The following DLG2 variants were observed in gnomAD, a reference collection of about 807,000 sequenced individuals.
DLG2 encodes the protein discs large MAGUK scaffold protein 2, also known as disks large homolog 2.
In DLG2, 45 loss-of-function variants were observed where a neutral mutation model predicts 132.5. The ratio of observed to expected loss-of-function variants is 0.34; its 90% CI spans 0.27 to 0.44. The LOEUF is 0.44. Ranked by LOEUF, DLG2 falls within the 20% of genes least tolerant of loss-of-function variation. The pLI is 1.00. For synonymous variants in DLG2, 424 were observed against 419.6 expected, an observed-to-expected ratio of 1.01 and a Z score of -0.13; for missense variants, 1,045 against 1,196.9, an observed-to-expected ratio of 0.87 and a Z score of 1.87.
intron 6 of DLG2, among the ~76,000 whole-genome samples, chr11:84,828,730 T>C (rs193037478): frequency 1.8e-4 from 28 of 151,834 alleles, no homozygotes; most frequent in Admixed American, 4.6e-4. Flanking sequence ...TGGTTTGAAT[T>C]GAAAATACAA....
chr11:84,154,657 C>T (rs1230928325), intron 9 of DLG2, among the ~76,000 whole-genome samples: 2 of 152,028 alleles, frequency 1.3e-5, no homozygotes, highest in African/African-American at 4.8e-5. Flanking sequence ...CCTTCCCCCA[C>T]CCCACGACAG....
intron 15 of DLG2, among the ~76,000 whole-genome samples, chr11:83,882,448 T>C (rs1313469100): frequency 6.7e-6 from 1 of 150,250 alleles, no homozygotes; most frequent in Admixed American, 6.6e-5. Context: ...AGAAAAACAT[T>C]AAATCAAATT....
chr11:85,050,390 G>GTT (rs969870031), intron 6 of DLG2, among the ~76,000 whole-genome samples: 22 of 151,984 alleles, frequency 1.4e-4, no homozygotes, highest in African/African-American at 4.1e-4. Context: ...TTTGTCTTTC[G>GTT]TTTCTTTAGG....
intron 6 of DLG2, among the ~76,000 whole-genome samples, chr11:84,696,130 T>C (rs1333530917): frequency 6.6e-6 from 1 of 151,436 alleles, no homozygotes; most frequent in African/African-American, 2.4e-5. Flanking sequence ...CTGGGAGGAA[T>C]GAATGGTCTG....
At chr11:84,135,048 T>C (rs750723879) in intron 9 of DLG2, among the ~76,000 whole-genome samples, 2 of 152,160 alleles carry the variant, frequency 1.3e-5, no homozygotes, top group Non-Finnish European at 2.9e-5. Flanking sequence ...TCTAATATAT[T>C]ACTTATCTAT....
At chr11:85,391,207 G>A (rs2086769730) in intron 3 of DLG2, among the ~76,000 whole-genome samples, 1 of 151,960 alleles carries the variant, frequency 6.6e-6, no homozygotes, top group Non-Finnish European at 1.5e-5. Context: ...TAAATTCCTG[G>A]AAGTATACAA....
rs539190800 is a variant in DLG2, at chr11:84,829,680, A to C, written c.357+281981T>G. Among the ~76,000 whole-genome samples, 266 of 151,788 alleles carry C rather than the reference A, an allele frequency of 1.8e-3. 1 individual carries two copies. Among genetic ancestry groups the C allele is most frequent in the Middle Eastern group, 6.8e-3 (2 of 294 alleles). ...TCCAATCCCAAAGTTAATAATAATT[A>C]TTTCTTTCAGAAGGGTCGAAGATAA... On this transcript the variant is annotated intron_variant, in intron 6 of 27. Transcript: ENST00000376104.
chr11:83,588,753 A>T (rs1482548859), intron 19 of DLG2, among the ~76,000 whole-genome samples: 1 of 151,922 alleles, frequency 6.6e-6, no homozygotes, highest in East Asian at 1.9e-4. Flanking sequence ...AAAAATTTAG[A>T]AGAATGTATA....
chr11:84,021,761 T>A (rs906570911), intron 11 of DLG2, among the ~76,000 whole-genome samples: 1 of 120,502 alleles, frequency 8.3e-6, no homozygotes, highest in South Asian at 2.5e-4. Flanking sequence ...AACAACTACT[T>A]CTTTTTTTTT....
At chr11:85,469,300 C>T (rs2092909440) in intron 3 of DLG2, 1 of 152,234 alleles carries the variant, frequency 6.6e-6, no homozygotes, top group Non-Finnish European at 1.5e-5. Flanking sequence ...CCAACTCTGG[C>T]TCCTTGTTGT....
At chr11:84,466,699 T>A (rs941959383) in intron 7 of DLG2, among the ~76,000 whole-genome samples, 7 of 151,346 alleles carry the variant, frequency 4.6e-5, no homozygotes, top group Admixed American at 4.0e-4. Flanking sequence ...AGAATACCTA[T>A]GAGAGTACTT....
chr11:85,599,009 C>T (rs1031279142), intron 2 of DLG2, among the ~76,000 whole-genome samples: 2 of 152,136 alleles, frequency 1.3e-5, no homozygotes, highest in East Asian at 1.9e-4. Flanking sequence ...GAATCCCTAA[C>T]TGTAAAACAA....
intron 8 of DLG2, among the ~76,000 whole-genome samples, chr11:84,195,206 C>T (rs890567027): frequency 1.8e-4 from 27 of 152,130 alleles, no homozygotes; most frequent in Non-Finnish European, 3.4e-4. Context: ...ACTCTGTTGC[C>T]GGGCTGGAGT....
chr11:85,464,531 G>A (rs944015264), intron 3 of DLG2, among the ~76,000 whole-genome samples: 19 of 152,024 alleles, frequency 1.2e-4, no homozygotes, highest in African/African-American at 4.4e-4. Context: ...CACAAGTTCG[G>A]GTGGCATCAG....
At chr11:84,433,915 G>T (rs189376346) in intron 7 of DLG2, among the ~76,000 whole-genome samples, 1 of 151,990 alleles carries the variant, frequency 6.6e-6, no homozygotes, top group East Asian at 1.9e-4. Context: ...TCAGGAGTTC[G>T]AGACCACTTT....
intron 18 of DLG2, among the ~76,000 whole-genome samples, chr11:83,639,225 GC>G (rs2065706155): frequency 1.3e-5 from 2 of 152,194 alleles, no homozygotes; most frequent in South Asian, 4.1e-4. Context: ...TGGGCAGCAT[GC>G]CCCTCGATCA....
At chr11:85,338,292 C>A (rs968986458) in intron 3 of DLG2, among the ~76,000 whole-genome samples, 1 of 152,114 alleles carries the variant, frequency 6.6e-6, no homozygotes, top group African/African-American at 2.4e-5. Flanking sequence ...AAAAGAATCT[C>A]ACAATAAATT....
At chr11:84,627,446 T>C (rs558890657) in intron 6 of DLG2, among the ~76,000 whole-genome samples, 70 of 152,350 alleles carry the variant, frequency 4.6e-4, no homozygotes, top group African/African-American at 1.3e-3. Flanking sequence ...TAGTACCTAA[T>C]TGTAAAACCC....
intron 7 of DLG2, among the ~76,000 whole-genome samples, chr11:84,460,907 T>G (rs2099078471): frequency 6.6e-6 from 1 of 150,722 alleles, no homozygotes; most frequent in Non-Finnish European, 1.5e-5. Flanking sequence ...AATAAATTAC[T>G]GCACTGAACT....
Sources: allele counts gnomAD v4.1 joint callset (sites outside exome capture counted in the v4.1 genomes callset), GRCh38; gene constraint gnomAD v4.1.1; transcripts MANE v1.5; gene names NCBI Gene and HGNC (gene_info 2026-07-23, HGNC 2026-07-21).